DNAJB14: variants seen among roughly 807,000 people sequenced by gnomAD.
DNAJB14 encodes the protein dnaJ homolog subfamily B member 14.
DNAJB14 carries 22 observed loss-of-function variants against 48.4 expected under a neutral mutation model. The observed-to-expected ratio is 0.45, with a 90% confidence interval of 0.32 to 0.65. The LOEUF (loss-of-function observed/expected upper bound fraction) is 0.65. Among genes scored for constraint, DNAJB14 ranks in the 30% least tolerant of loss-of-function variants. The pLI is 0.03. For synonymous variants in DNAJB14, 142 were observed against 158.7 expected, an observed-to-expected ratio of 0.89 and a Z score of 0.79; for missense variants, 319 against 458.8, an observed-to-expected ratio of 0.70 and a Z score of 2.78.
intron 2 of DNAJB14, chr4:99,926,129 C>A (rs1420479900): frequency 6.6e-6 from 1 of 152,254 alleles, no homozygotes; most frequent in East Asian, 1.9e-4. Flanking sequence ...AATCCAAATT[C>A]CTCAGGACTA....
chr4:99,919,671 G>C (rs1472040250), intron 3 of DNAJB14, among the ~76,000 whole-genome samples: 1 of 152,036 alleles, frequency 6.6e-6, no homozygotes, highest in African/African-American at 2.4e-5. Flanking sequence ...TACCTAGTTG[G>C]TCTGCCTTTT....
intron 3 of DNAJB14, 93 bp from the exon 4 acceptor site, chr4:99,908,989 C>T: frequency 1.2e-6 from 1 of 805,846 alleles, no homozygotes; most frequent in Non-Finnish European, 1.8e-6. Context: ...GAAAAAAAGA[C>T]TACCTAAAAC....
chr4:99,944,628 C>A (rs1374034987), intron 1 of DNAJB14, among the ~76,000 whole-genome samples: 1 of 150,128 alleles, frequency 6.7e-6, no homozygotes, highest in African/African-American at 2.5e-5. Context: ...GGCTGGAGTG[C>A]AGTGTTGCCA....
intron 2 of DNAJB14, 48 bp from the exon 3 acceptor site, chr4:99,923,233 C>G (rs1211741736): frequency 6.7e-6 from 10 of 1,489,338 alleles, no homozygotes. Flanking sequence ...GGAAGACGGT[C>G]ATGTAATATC....
intron 2 of DNAJB14, chr4:99,924,434 A>G (rs751816812): frequency 1.9e-5 from 4 of 212,128 alleles, no homozygotes; most frequent in Non-Finnish European, 3.7e-5. Context: ...GGCATCTATC[A>G]TTTGTTATAT....
intron 3 of DNAJB14, among the ~76,000 whole-genome samples, chr4:99,913,621 G>GTTTTTTTTT (rs372025043): frequency 1.9e-5 from 2 of 107,614 alleles, no homozygotes; most frequent in African/African-American, 3.4e-5. Context: ...CTGGTCTGTA[G>GTTTTTTTTT]TTTTTTTTTT....
intron 3 of DNAJB14, among the ~76,000 whole-genome samples, chr4:99,912,910 A>G (rs1158152460): frequency 6.6e-6 from 1 of 152,258 alleles, no homozygotes; most frequent in Non-Finnish European, 1.5e-5. Flanking sequence ...TAAAAGTTTT[A>G]TTAAACTTAC....
chr4:99,942,075 G>GAGAC (rs1331523726), intron 1 of DNAJB14: 1 of 151,956 alleles, frequency 6.6e-6, no homozygotes, highest in African/African-American at 2.4e-5. Context: ...AAGACAAAAA[G>GAGAC]AGACAGAACT....
intron 2 of DNAJB14, chr4:99,926,586 T>C (rs1467724185): frequency 2.0e-5 from 3 of 152,158 alleles, no homozygotes; most frequent in South Asian, 2.1e-4. Flanking sequence ...TGTTTAATTA[T>C]GTTCCAGATT....
chr4:99,913,238 G>A (rs1477388951), intron 3 of DNAJB14, among the ~76,000 whole-genome samples: 1 of 152,200 alleles, frequency 6.6e-6, no homozygotes, highest in African/African-American at 2.4e-5. Flanking sequence ...GAGTGGTAAA[G>A]AGATATTCTT....
intron 2 of DNAJB14, 22 bp from the exon 3 acceptor site, chr4:99,923,207 A>G (rs780975801): frequency 1.9e-6 from 3 of 1,578,642 alleles, no homozygotes; most frequent in Non-Finnish European, 2.6e-6. Flanking sequence ...AGAGTGTGTT[A>G]TAATGTAAAT....
Position 99,897,334 on chromosome 4 carries a change from G to A in DNAJB14, c.*3694C>T, listed in dbSNP as rs1725170218. On this transcript the variant is annotated 3_prime_UTR_variant, in exon 8 of 8. Transcript: ENST00000442697. ...TACCAACAGGAAAAAGTTACACATA[G>A]GGAATATACAAAAAATATGGTGCTA... 6.6e-6 allele frequency: 1 copy of A among 151,428 alleles called. No homozygotes were observed. Among genetic ancestry groups the A allele is most frequent in the African/African-American group, 2.4e-5 (1 of 41,286 alleles). The allele number at this position is 151,428 out of a possible 1,614,324, so 9.4% of individuals were successfully genotyped here.
intron 3 of DNAJB14, among the ~76,000 whole-genome samples, chr4:99,912,690 G>C (rs999290441): frequency 4.6e-5 from 7 of 152,112 alleles, no homozygotes; most frequent in African/African-American, 1.7e-4. Context: ...TGTTGGTCAG[G>C]CTGGTCTAAA....
At chr4:99,919,963 G>C (rs997371579) in intron 3 of DNAJB14, among the ~76,000 whole-genome samples, 6 of 152,114 alleles carry the variant, frequency 3.9e-5, no homozygotes, top group African/African-American at 1.4e-4. Context: ...CAATTACTCT[G>C]CTCACAATGA....
At chr4:99,910,060 C>G (rs528159470) in intron 3 of DNAJB14, among the ~76,000 whole-genome samples, 19 of 152,140 alleles carry the variant, frequency 1.2e-4, no homozygotes, top group Admixed American at 5.9e-4. Flanking sequence ...TACAAGCAAA[C>G]AGATGCTCAT....
At chr4:99,904,501 T>C (rs962235293) in intron 6 of DNAJB14, among the ~76,000 whole-genome samples, 2 of 152,128 alleles carry the variant, frequency 1.3e-5, no homozygotes, top group Non-Finnish European at 2.9e-5. Flanking sequence ...GAATAGGGTA[T>C]ATATAAAACA....
At chr4:99,940,703 A>G (rs904343027) in intron 1 of DNAJB14, among the ~76,000 whole-genome samples, 1 of 149,878 alleles carries the variant, frequency 6.7e-6, no homozygotes, top group African/African-American at 2.5e-5. Flanking sequence ...TACTCTAGTT[A>G]GCTAGCTGTC....
At chr4:99,925,089 T>C in intron 2 of DNAJB14, 2 of 394,728 alleles carry the variant, frequency 5.1e-6, no homozygotes, top group Non-Finnish European at 9.1e-6. Context: ...CCTCCCTCCT[T>C]GAATACCAAA....
chr4:99,909,143 A>G (rs1451892069), intron 3 of DNAJB14, among the ~76,000 whole-genome samples: 1 of 151,994 alleles, frequency 6.6e-6, no homozygotes. Context: ...TCCTTTTTTA[A>G]TATTGTGCTC....
Sources: allele counts gnomAD v4.1 joint callset (sites outside exome capture counted in the v4.1 genomes callset), GRCh38; gene constraint gnomAD v4.1.1; transcripts MANE v1.5; gene names NCBI Gene and HGNC (gene_info 2026-07-23, HGNC 2026-07-21).